The following COL11A2 variants were observed in gnomAD, a reference collection of about 807,000 sequenced individuals.
COL11A2 encodes collagen type XI alpha 2 chain, also known as collagen alpha-2(XI) chain.
Under a neutral mutation model 273.4 loss-of-function variants are expected in COL11A2, and 116 were observed. The ratio of observed to expected loss-of-function variants is 0.42; its 90% CI spans 0.36 to 0.49. The LOEUF is 0.49. COL11A2 is among the 20% of genes least tolerant of loss of function. The pLI, the probability that COL11A2 is intolerant of heterozygous loss-of-function variation, is 0.00. For missense variants in COL11A2, 1,866 were observed against 2,309.0 expected (o/e 0.81, Z 3.93); for synonymous variants, 782 against 864.2 (o/e 0.90, Z 1.67).
intron 8 of COL11A2, 79 bp from the exon 9 acceptor site, chr6:33,181,249 A>T (rs911244474): frequency 9.0e-6 from 13 of 1,437,754 alleles, no homozygotes; most frequent in Non-Finnish European, 1.2e-5. Flanking sequence ...CTCAACTCCA[A>T]CCTTGATTCT....
chr6:33,185,788 G>C lies in COL11A2; in HGVS notation c.799-10C>G, dbSNP rs760303972. 2 of 1,223,564 alleles carry C rather than the reference G, an allele frequency of 1.6e-6. No individual in the cohort carries two copies. The highest frequency in any genetic ancestry group is 2.4e-4 in the Middle Eastern group (1 of 4,246). 75.8% of individuals were successfully genotyped at this position (1,223,564 alleles called of 1,614,324 possible). ...AGAGAGACTCAGTGGGCTGGGATTG[G>C]GGGGTGGGCATAGACAGGAAGGGGA... On this transcript the variant is annotated splice_polypyrimidine_tract_variant and intron_variant, in intron 5 of 65. Transcript: ENST00000341947.
At chr6:33,188,580 C>A in intron 3 of COL11A2, 56 bp from the exon 4 acceptor site, 1 of 1,605,308 alleles carries the variant, frequency 6.2e-7, no homozygotes, top group South Asian at 1.1e-5. Flanking sequence ...GTAGGGGAGT[C>A]AACATGGTTG....
In COL11A2 at chr6:33,167,329, AG is replaced by A; in HGVS notation, c.4123-13del. 6.2e-7 allele frequency: 1 copy of A among 1,613,216 alleles called. No individual in the cohort carries two copies. Among genetic ancestry groups the A allele is most frequent in the East Asian group, 2.2e-5 (1 of 44,872 alleles). On this transcript the variant is annotated splice_polypyrimidine_tract_variant and intron_variant, in intron 56 of 65. Transcript: ENST00000341947. The surrounding 1 kb of genome is among the most constrained non-coding windows in gnomAD (Gnocchi z 6.1). The stretch of plus-strand genomic sequence containing the variant: ...CGGCCTTGCTGACCCTGAAGATTTG[AG>A]GGGGCCACAGGGGTCAGGAGGAGCA...
At position 33,176,072 on chromosome 6, in the gene COL11A2, G is replaced by A. The variant is rs535784870; in HGVS notation, c.2215-3C>T. The A allele has an allele frequency of 3.1e-6, 5 of 1,613,054 alleles. No individual in the cohort carries two copies. In the African/African-American group the frequency reaches 5.3e-5, roughly 17 times the overall value. On this transcript the variant is annotated splice_polypyrimidine_tract_variant and splice_region_variant and intron_variant, in intron 28 of 65. Coordinates refer to ENST00000341947, the MANE Select transcript of COL11A2 (RefSeq NM_080680.3). The surrounding 1 kb of genome is among the most constrained non-coding windows in gnomAD (Gnocchi z 4.9). ...AACCCAGGAAAGCCATCCTCACCCT[G>A]AGAAAGATAGAGGTGAGAGGGCACC...
chr6:33,164,247 C>A lies in COL11A2; in HGVS notation c.5070+20G>T. ...CCTGAGTCTGAGATCAGCCCCCAAC[C>A]CAGCTCTTCCTGTTCCCACCTGGCA... On this transcript the variant is annotated intron_variant, in intron 65 of 65. Transcript: ENST00000341947. The surrounding 1 kb of genome is among the most constrained non-coding windows in gnomAD (Gnocchi z 4.7). The A allele has an allele frequency of 6.2e-7, 1 of 1,612,534 alleles. No individual in the cohort carries two copies.
At chr6:33,174,323 C>T in intron 31 of COL11A2, 105 bp from the exon 32 acceptor site, 2 of 1,481,800 alleles carry the variant, frequency 1.3e-6, no homozygotes, top group East Asian at 2.5e-5. Context: ...GCCAGGGAGA[C>T]CCGAGCTCTG....
chr6:33,176,236 G>A lies in COL11A2; in HGVS notation c.2214+23C>T, dbSNP rs1485489859. ...GGAGATGGCAGGACTGAGGTGCTGG[G>A]AAGCTGGGGGCATGGTGCTCACCTT... On this transcript the variant is annotated intron_variant, in intron 28 of 65. Transcript: ENST00000341947. The surrounding 1 kb of genome is among the most constrained non-coding windows in gnomAD (Gnocchi z 4.9). The A allele has an allele frequency of 6.2e-7, 1 of 1,608,984 alleles. No homozygotes were observed.
Position 33,164,402 on chromosome 6 carries a change from G to T in COL11A2, c.4935C>A (p.Val1645=). 1 of 1,605,214 alleles carries T rather than the reference G, an allele frequency of 6.2e-7. No individual in the cohort carries two copies. Among genetic ancestry groups the T allele is most frequent in the South Asian group, 1.1e-5 (1 of 89,846 alleles). The part of the protein sequence containing the change: ...VQLTFLRLLS[V]SAHQDVSYPC... ...GGTAGGAGACGTCCTGGTGGGCTGA[G>T]ACGCTGAGCAGCCGCAGGAAGGTGA... The change falls in exon 65 of 66, where the codon GTC becomes GTA. Residue 1645 remains valine (V), a synonymous_variant. Transcript: ENST00000341947. The surrounding 1 kb of genome is among the most constrained non-coding windows in gnomAD (Gnocchi z 4.7).
chr6:33,178,873 C>A lies in COL11A2; in HGVS notation c.1665+47G>T. On this transcript the variant is annotated intron_variant, in intron 17 of 65. Coordinates refer to ENST00000341947, the MANE Select transcript of COL11A2 (RefSeq NM_080680.3). This position sits in a 1 kb window ranked among gnomAD's most constrained non-coding sequence, Gnocchi z 4.6. Reference sequence around the variant, plus strand: ...ATCCCCAAGAAACAACTGAGCCCAGCGTGGGCTGAAGGCTACAGGCTTCAG... The same window carrying A: ...ATCCCCAAGAAACAACTGAGCCCAGAGTGGGCTGAAGGCTACAGGCTTCAG... 1.2e-6 allele frequency: 2 copies of A among 1,612,154 alleles called. No homozygotes were observed. The highest frequency in any genetic ancestry group is 1.7e-6 in the Non-Finnish European group (2 of 1,178,740).
chr6:33,178,156 G>T lies in COL11A2; in HGVS notation c.1848C>A (p.Gly616=), dbSNP rs1380615244. The change falls in exon 21 of 66, where the codon GGC becomes GGA. Residue 616 remains glycine (G), a synonymous_variant. Coordinates refer to ENST00000341947, the MANE Select transcript of COL11A2 (RefSeq NM_080680.3). This position sits in a 1 kb window ranked among gnomAD's most constrained non-coding sequence, Gnocchi z 4.6. ...SGPRGLLGPK[G]PPGIPGPPGV... is the part of the protein sequence containing the mutation. ...CAGGGGGTCCAGGAATACCAGGTGG[G>T]CCTTTGGGGCCAAGGAGACCTCGAG... 6.2e-7 allele frequency: 1 copy of T among 1,610,484 alleles called. No homozygotes were observed. Among genetic ancestry groups the T allele is most frequent in the Non-Finnish European group, 8.5e-7 (1 of 1,178,498 alleles).
rs746634576 is a variant in COL11A2, at chr6:33,179,051, C to T, written c.1611+22G>A. 11 of 1,613,918 alleles carry T rather than the reference C, an allele frequency of 6.8e-6. No individual in the cohort carries two copies. Among genetic ancestry groups the T allele is most frequent in the Non-Finnish European group, 8.5e-6 (10 of 1,179,952 alleles). ...GCAGGCCCTGTCTCCCCACAACACC[C>T]ATCCACCCCTGGGGCACTCACCCTT... On this transcript the variant is annotated intron_variant, in intron 16 of 65. Coordinates refer to ENST00000341947, the MANE Select transcript of COL11A2 (RefSeq NM_080680.3). This position sits in a 1 kb window ranked among gnomAD's most constrained non-coding sequence, Gnocchi z 6.4.
chr6:33,165,475 C>G lies in COL11A2; in HGVS notation c.4750+74G>C. ...AACCCAACACCTTCACCAAGACTCCCCCAGCATCCATTCTGCTTGTTCAGT... is the reference window on the plus strand; with the variant it reads ...AACCCAACACCTTCACCAAGACTCCGCCAGCATCCATTCTGCTTGTTCAGT... On this transcript the variant is annotated intron_variant, in intron 63 of 65. Coordinates refer to ENST00000341947, the MANE Select transcript of COL11A2 (RefSeq NM_080680.3). This position sits in a 1 kb window ranked among gnomAD's most constrained non-coding sequence, Gnocchi z 7.7. 1.3e-6 allele frequency: 2 copies of G among 1,596,582 alleles called. No homozygotes were observed. Among genetic ancestry groups the G allele is most frequent in the Non-Finnish European group, 1.7e-6 (2 of 1,176,320 alleles).
At chr6:33,187,885 T>C (rs905643009) in intron 4 of COL11A2, among the ~76,000 whole-genome samples, 1 of 151,276 alleles carries the variant, frequency 6.6e-6, no homozygotes, top group South Asian at 2.1e-4. Context: ...ATGGAGGAGT[T>C]GAAGAGGATA....
chr6:33,167,945 G>A lies in COL11A2; in HGVS notation c.3961-93C>T, dbSNP rs1769422390. On this transcript the variant is annotated intron_variant, in intron 54 of 65. Coordinates refer to ENST00000341947, the MANE Select transcript of COL11A2 (RefSeq NM_080680.3). This position sits in a 1 kb window ranked among gnomAD's most constrained non-coding sequence, Gnocchi z 6.1. The stretch of plus-strand genomic sequence containing the variant: ...CTGTCCTAGACACACACATACACAT[G>A]CACACACACACGTGCATACACAGGG... 9.8e-6 allele frequency: 13 copies of A among 1,333,270 alleles called. No homozygotes were observed. Among genetic ancestry groups the A allele is most frequent in the South Asian group, 1.2e-5 (1 of 82,594 alleles). The allele number at this position is 1,333,270 out of a possible 1,614,324, so 82.6% of individuals were successfully genotyped here. A position where few individuals can be genotyped will look rare whatever the true frequency, so the allele number is the denominator to read the frequency against.
Position 33,189,167 on chromosome 6 carries a change from G to C in COL11A2, c.254C>G (p.Ser85Cys). 2 of 1,614,030 alleles carry C rather than the reference G, an allele frequency of 1.2e-6. No homozygotes were observed. The highest frequency in any genetic ancestry group is 1.7e-6 in the Non-Finnish European group (2 of 1,179,914). ...LFPGGFPKDF[S>C]LLTVVRTRPG... is the part of the protein sequence containing the mutation. ...GCGGGTCCGGACAACAGTCAGCAGA[G>C]AGAAATCTTTGGGAAATCCTCCTAG... Residue 85 changes from serine to cysteine, a missense_variant, in exon 3 of 66, where the codon TCT becomes TGT. Ser to Cys is a moderately radical substitution (Grantham distance 112, BLOSUM62 -1). Coordinates refer to ENST00000341947, the MANE Select transcript of COL11A2 (RefSeq NM_080680.3). This position sits in a 1 kb window ranked among gnomAD's most constrained non-coding sequence, Gnocchi z 5.6.
At position 33,180,300 on chromosome 6, in the gene COL11A2, T is replaced by G. The variant is rs1286790911; in HGVS notation, c.1317A>C (p.Ser439=). The G allele has an allele frequency of 6.2e-7, 1 of 1,612,850 alleles. No homozygotes were observed. The highest frequency in any genetic ancestry group is 2.2e-5 in the East Asian group (1 of 44,896). ...TGCCAGGAGGACCAGGAGCCCCATC[T>G]GATCCAGGGAGCCCTGCTCGGCCAG... The part of the protein sequence containing the change: ...GPPGRAGLPG[S]DGAPGPPGTS... The change falls in exon 12 of 66, where the codon TCA becomes TCC. Residue 439 remains serine (S), a synonymous_variant. Coordinates refer to ENST00000341947, the MANE Select transcript of COL11A2 (RefSeq NM_080680.3).
At chr6:33,193,193 G>A (rs935146000), upstream of COL11A2, among the ~76,000 whole-genome samples, 3 of 152,062 alleles carry the variant, frequency 2.0e-5, no homozygotes, top group Non-Finnish European at 2.9e-5. Context: ...GCCTCCGGGC[G>A]GGCAACGCCT....
chr6:33,177,665 G>A lies in COL11A2; in HGVS notation c.1914C>T (p.Ser638=). 1.2e-6 allele frequency: 2 copies of A among 1,612,996 alleles called. No homozygotes were observed. The highest frequency in any genetic ancestry group is 1.7e-6 in the Non-Finnish European group (2 of 1,179,994). The change falls in exon 22 of 66, where the codon AGC becomes AGT. Residue 638 remains serine (S), a synonymous_variant. Transcript: ENST00000341947. This position sits in a 1 kb window ranked among gnomAD's most constrained non-coding sequence, Gnocchi z 5.9. Reference sequence around the variant, plus strand: ...GGATCTCCTATCCATCACTCACCAAGCTCCCTTTGGGGCCCTGGGGACCAT... The same window carrying A: ...GGATCTCCTATCCATCACTCACCAAACTCCCTTTGGGGCCCTGGGGACCAT... ...GMDGPQGPKG[S]LGPQGEPGPP...
chr6:33,166,817 C>T lies in COL11A2; in HGVS notation c.4241G>A (p.Gly1414Asp), dbSNP rs1480679012. 1 of 1,613,436 alleles carries T rather than the reference C, an allele frequency of 6.2e-7. No homozygotes were observed. The highest frequency in any genetic ancestry group is 8.5e-7 in the Non-Finnish European group (1 of 1,179,994). The change falls in exon 59 of 66, where the codon GGT (glycine) becomes GAT (aspartate). Residue 1414 changes from glycine (G) to aspartate (D), a missense_variant. Coordinates refer to ENST00000341947, the MANE Select transcript of COL11A2 (RefSeq NM_080680.3). This position sits in a 1 kb window ranked among gnomAD's most constrained non-coding sequence, Gnocchi z 4.8. ...AGAKGEKGHP[G>D]LIGLIGPPGE... ...CGGGGGCCCAATCAGTCCAATGAGA[C>T]CTGGGTGGCCCTAGAGAAGGGTGCA...
Sources: gnomAD v4.1 joint callset for allele counts (sites outside exome capture counted in the v4.1 genomes callset) on GRCh38, gnomAD v4.1.1 for gene constraint, Gnocchi (gnomAD v3.1) non-coding constraint, MANE v1.5 for transcripts, NCBI Gene and HGNC (gene_info 2026-07-23, HGNC 2026-07-21) for gene names.